The following PLAAT3 variants were observed in gnomAD, a reference collection of about 807,000 sequenced individuals.
The protein encoded by PLAAT3 is phospholipase A and acyltransferase 3.
In PLAAT3, 21 loss-of-function variants were observed where a neutral mutation model predicts 16.7. The ratio of observed to expected loss-of-function variants is 1.26; its 90% CI spans 0.89 to 1.81. The LOEUF is 1.81. PLAAT3 is among the 40% of genes most tolerant of loss of function. The pLI, the probability that PLAAT3 is intolerant of heterozygous loss-of-function variation, is 0.00. For synonymous variants in PLAAT3, 76 were observed against 81.7 expected (o/e 0.93, Z 0.38); for missense variants, 219 against 213.7 (o/e 1.02, Z -0.16).
At chr11:63,599,568 G>T (rs776321520) in intron 2 of PLAAT3, among the ~76,000 whole-genome samples, 3 of 152,170 alleles carry the variant, frequency 2.0e-5, no homozygotes, top group African/African-American at 7.2e-5. Flanking sequence ...AGCATGTGTG[G>T]CAGGGAATTT....
chr11:63,583,222 A>C (rs1937872806), intron 4 of PLAAT3, among the ~76,000 whole-genome samples: 1 of 152,212 alleles, frequency 6.6e-6, no homozygotes, highest in Non-Finnish European at 1.5e-5. Context: ...CTAAGTCTTT[A>C]AATGCTCCTC....
rs59751911 is a variant in PLAAT3, at chr11:63,595,292, GAAAAAAAA to G, written c.118+2761_118+2768del. ...GGCCACAGAGCAAGACTCCGTCTCG[GAAAAAAAA>G]AAAAAAAAAAAAGAGTGTCTATAAC... On this transcript the variant is annotated intron_variant, in intron 3 of 4. Transcript: ENST00000415826. Among the ~76,000 whole-genome samples, 520 of 88,432 alleles carry G rather than the reference GAAAAAAAA, an allele frequency of 5.9e-3. 1 individual carries two copies. Among genetic ancestry groups the G allele is most frequent in the Non-Finnish European group, 7.6e-3 (349 of 45,960 alleles). 58.0% of individuals were successfully genotyped at this position (88,432 alleles called of 152,430 possible). A position where few individuals can be genotyped will look rare whatever the true frequency, so the allele number is the denominator to read the frequency against.
chr11:63,607,540 A>G (rs1401597500), intron 2 of PLAAT3, among the ~76,000 whole-genome samples: 1 of 151,412 alleles, frequency 6.6e-6, no homozygotes, highest in East Asian at 1.9e-4. Context: ...AAGAGAGAGA[A>G]TGGGAGAAGA....
intron 2 of PLAAT3, among the ~76,000 whole-genome samples, chr11:63,606,429 C>CACACACAT (rs1938562896): frequency 7.0e-6 from 1 of 143,278 alleles, no homozygotes; most frequent in South Asian, 2.2e-4. Context: ...CTATAAAACA[C>CACACACAT]ACACACACAC....
intron 4 of PLAAT3, among the ~76,000 whole-genome samples, chr11:63,583,129 C>CA (rs992589548): frequency 2.6e-4 from 38 of 144,428 alleles, no homozygotes; most frequent in Middle Eastern, 3.5e-3. Context: ...GACACCATCT[C>CA]AAAAAAAAAA....
At chr11:63,586,282 C>T (rs530899182) in intron 4 of PLAAT3, among the ~76,000 whole-genome samples, 4 of 152,084 alleles carry the variant, frequency 2.6e-5, no homozygotes, top group South Asian at 2.1e-4. Context: ...TGCAGGTGCC[C>T]GCCATCACAC....
intron 4 of PLAAT3, among the ~76,000 whole-genome samples, chr11:63,578,125 TA>T (rs2134390000): frequency 6.6e-6 from 1 of 151,690 alleles, no homozygotes; most frequent in South Asian, 2.1e-4. Flanking sequence ...CTACTAAAAA[TA>T]CAAAAAATTA....
At chr11:63,597,965 A>G (rs996891364) in intron 3 of PLAAT3, 96 bp downstream of exon 3, 39 of 806,682 alleles carry the variant, frequency 4.8e-5, no homozygotes, top group Non-Finnish European at 7.9e-5. Flanking sequence ...TTGGGAAGCA[A>G]GAAGAATGTT....
chr11:63,614,811 C>T (rs1938790810), upstream of PLAAT3, among the ~76,000 whole-genome samples: 1 of 151,104 alleles, frequency 6.6e-6, no homozygotes, highest in Non-Finnish European at 1.5e-5. Flanking sequence ...GTCAAGAGAT[C>T]GAGACCATGC....
chr11:63,602,753 G>A (rs1938463101), intron 2 of PLAAT3, among the ~76,000 whole-genome samples: 1 of 152,106 alleles, frequency 6.6e-6, no homozygotes, highest in East Asian at 1.9e-4. Flanking sequence ...CAACAGCAGG[G>A]TTGAATAGTT....
intron 2 of PLAAT3, among the ~76,000 whole-genome samples, chr11:63,611,998 C>A (rs971273118): frequency 1.3e-5 from 2 of 152,180 alleles, no homozygotes; most frequent in Non-Finnish European, 2.9e-5. Context: ...ATTAGCCAGG[C>A]GCGGTGGCGC....
chr11:63,591,458 G>T (rs1187813646), intron 3 of PLAAT3, among the ~76,000 whole-genome samples: 1 of 152,112 alleles, frequency 6.6e-6, no homozygotes, highest in Non-Finnish European at 1.5e-5. Flanking sequence ...GTCAAAGGAG[G>T]TTCACTCTCA....
At chr11:63,587,938 G>T (rs1938026104) in intron 4 of PLAAT3, among the ~76,000 whole-genome samples, 1 of 152,164 alleles carries the variant, frequency 6.6e-6, no homozygotes, top group Admixed American at 6.5e-5. Context: ...ATGTGGCCGG[G>T]CACAGTGGCT....
Position 63,599,959 on chromosome 11 carries a change from A to G in PLAAT3, c.16-1796T>C, listed in dbSNP as rs74591218. The stretch of plus-strand genomic sequence containing the variant: ...GCTCCACATAAACACCAATGAGAGG[A>G]GCCCTCACATAGAACATGCTGCCTT... On this transcript the variant is annotated intron_variant, in intron 2 of 4. Transcript: ENST00000415826. Among the ~76,000 whole-genome samples the G allele has an allele frequency of 9.8e-4, 149 of 152,238 alleles. 1 individual carries two copies. The East Asian group carries it at 0.017, about 17-fold the overall frequency.
chr11:63,615,262 A>G (rs796204625), upstream of PLAAT3, among the ~76,000 whole-genome samples: 49 of 24,928 alleles, frequency 2.0e-3, 2 homozygotes, highest in African/African-American at 3.8e-3. Flanking sequence ...GTGTATATAT[A>G]TGTGTGTATA....
At chr11:63,581,182 A>C (rs1252362907) in intron 4 of PLAAT3, among the ~76,000 whole-genome samples, 1 of 152,244 alleles carries the variant, frequency 6.6e-6, no homozygotes, top group African/African-American at 2.4e-5. Context: ...GTGCACCCTG[A>C]AAAAGAACAG....
intron 2 of PLAAT3, among the ~76,000 whole-genome samples, chr11:63,612,715 A>C (rs1483352492): frequency 6.6e-6 from 1 of 152,188 alleles, no homozygotes; most frequent in Non-Finnish European, 1.5e-5. Context: ...TTTTTCAAAA[A>C]TACATTAATG....
chr11:63,577,225 G>A (rs1260406857), intron 4 of PLAAT3, among the ~76,000 whole-genome samples: 1 of 151,266 alleles, frequency 6.6e-6, no homozygotes, highest in Non-Finnish European at 1.5e-5. Context: ...AGGCTAGAGT[G>A]CAATGGCGCA....
At chr11:63,605,469 A>G (rs931541768) in intron 2 of PLAAT3, among the ~76,000 whole-genome samples, 12 of 152,160 alleles carry the variant, frequency 7.9e-5, no homozygotes, top group African/African-American at 2.4e-4. Flanking sequence ...CAGATTGTGC[A>G]ATTATGTGAC....
Sources: gnomAD v4.1 joint callset for allele counts (sites outside exome capture counted in the v4.1 genomes callset) on GRCh38, gnomAD v4.1.1 for gene constraint, MANE v1.5 for transcripts, NCBI Gene and HGNC (gene_info 2026-07-23, HGNC 2026-07-21) for gene names.